ATPAF2: variants seen among roughly 807,000 people sequenced by gnomAD.
ATPAF2 encodes ATP synthase mitochondrial F1 complex assembly factor 2.
ATPAF2 carries 30 observed loss-of-function variants against 36.6 expected under a neutral mutation model. That is an observed-to-expected ratio of 0.82 (90% CI 0.61 to 1.11). The LOEUF (loss-of-function observed/expected upper bound fraction) is 1.11. Ranked by LOEUF, ATPAF2 falls within the 50% of genes most tolerant of loss-of-function variation. The probability of loss-of-function intolerance (pLI) is 0.00; values close to 1 mark genes in which losing one functional copy is unlikely to be tolerated. For synonymous variants in ATPAF2, 140 were observed against 152.6 expected, an observed-to-expected ratio of 0.92 and a Z score of 0.61; for missense variants, 321 against 372.3, an observed-to-expected ratio of 0.86 and a Z score of 1.13.
downstream of ATPAF2, among the ~76,000 whole-genome samples, chr17:18,017,108 G>A (rs2044388948): frequency 6.9e-6 from 1 of 144,786 alleles, no homozygotes; most frequent in East Asian, 2.0e-4. Context: ...GGAGGCGGAG[G>A]TTGCAGTGAG....
At position 18,025,365 on chromosome 17, in the gene ATPAF2, G is replaced by T. The variant is rs567909272; in HGVS notation, c.423-661C>A. 6.3e-5 allele frequency: 10 copies of T among 159,230 alleles called. No homozygotes were observed. The South Asian group carries it at 1.8e-3, about 29-fold the overall frequency. The allele number at this position is 159,230 out of a possible 1,614,324, so 9.9% of individuals were successfully genotyped here. A position where few individuals can be genotyped will look rare whatever the true frequency, so the allele number is the denominator to read the frequency against. On this transcript the variant is annotated intron_variant, in intron 4 of 7. Coordinates refer to ENST00000474627, the MANE Select transcript of ATPAF2 (RefSeq NM_145691.4). ...GACACAGACATGAGCCAGTTGAGAG[G>T]AGCTGAGCTGCAGGGCCTCATGGGA...
intron 4 of ATPAF2, chr17:18,026,117 G>A (rs761859204): frequency 9.7e-5 from 63 of 649,510 alleles, no homozygotes; most frequent in Non-Finnish European, 1.7e-4. Context: ...GAGAAGAGGG[G>A]TGGCCATGTT....
At chr17:18,016,124 C>G (rs748163277), downstream of ATPAF2, 21 of 1,613,836 alleles carry the variant, frequency 1.3e-5, no homozygotes, top group Non-Finnish European at 1.7e-5. Context: ...CATCCACCTC[C>G]TGAAGATTGA....
At chr17:18,026,468 A>G in intron 3 of ATPAF2, 52 bp from the exon 4 acceptor site, 3 of 1,430,996 alleles carry the variant, frequency 2.1e-6, no homozygotes, top group Non-Finnish European at 3.0e-6. Context: ...CTCAGGCAAA[A>G]GCCCTGCTTT....
At chr17:18,016,574 T>C (rs766832997), downstream of ATPAF2, 3 of 1,613,088 alleles carry the variant, frequency 1.9e-6, no homozygotes, top group Non-Finnish European at 2.5e-6. Context: ...AAGGATGAGA[T>C]CATGAGGAAC....
chr17:18,029,326 A>C (rs2044593813), intron 1 of ATPAF2, among the ~76,000 whole-genome samples: 1 of 152,262 alleles, frequency 6.6e-6, no homozygotes, highest in African/African-American at 2.4e-5. Context: ...GGAGGGATTA[A>C]CAACCAAGAG....
rs961665761 is a variant in ATPAF2 at position 18,026,363 on chromosome 17, C to T, written c.378G>A (p.Gln126=). The change falls in exon 4 of 8, where the codon CAG becomes CAA. Residue 126 remains glutamine (Q), a synonymous_variant. Transcript: ENST00000474627. ...GAAACTTCACGGCTGCCCGGATCAG[C>T]TGATCCTTGTTTCTCTGGGTTGGGT... ...LDNPTQRNKD[Q]LIRAAVKFLD... is the part of the protein sequence containing the mutation. The T allele has an allele frequency of 2.4e-5, 39 of 1,614,134 alleles. No homozygotes were observed. The highest frequency in any genetic ancestry group is 3.3e-5 in the Non-Finnish European group (39 of 1,180,058).
Position 18,021,784 on chromosome 17 carries a change from C to A in ATPAF2, c.577G>T (p.Val193Phe). ...SIPAKTREVL[V>F]SHLASYNTWA... ...GTGTTGTAAGATGCCAGGTGGCTGA[C>A]GAGCACCTCCCGAGTTTTGGCAGGG... The change falls in exon 6 of 8, where the codon GTC (valine) becomes TTC (phenylalanine). Residue 193 changes from valine to phenylalanine, a missense_variant. Physicochemically the swap from Val to Phe is conservative, Grantham distance 50. Transcript: ENST00000474627. 2 of 1,614,140 alleles carry A rather than the reference C, an allele frequency of 1.2e-6. No individual in the cohort carries two copies. The highest frequency in any genetic ancestry group is 1.7e-6 in the Non-Finnish European group (2 of 1,180,024).
chr17:18,033,196 C>G (rs908717834), intron 1 of ATPAF2, among the ~76,000 whole-genome samples: 3 of 151,846 alleles, frequency 2.0e-5, no homozygotes, highest in Non-Finnish European at 4.4e-5. Flanking sequence ...TGGTGAAACC[C>G]TGTCTCTACA....
In ATPAF2 at chr17:18,039,068, G is replaced by A; in HGVS notation, c.-55C>T. On this transcript the variant is annotated 5_prime_UTR_variant, in exon 1 of 8. Coordinates refer to ENST00000474627, the MANE Select transcript of ATPAF2 (RefSeq NM_145691.4). This position sits in a 1 kb window ranked among gnomAD's most constrained non-coding sequence, Gnocchi z 5.3. Reference sequence around the variant, plus strand: ...CGCGAAACCTGGAGCAGGAAACACAGAGCGATGGGATCCCCAAAGCCGCAC... The same window carrying A: ...CGCGAAACCTGGAGCAGGAAACACAAAGCGATGGGATCCCCAAAGCCGCAC... The A allele has an allele frequency of 6.4e-7, 1 of 1,552,810 alleles. No individual in the cohort carries two copies. The highest frequency in any genetic ancestry group is 8.7e-7 in the Non-Finnish European group (1 of 1,148,734).
intron 1 of ATPAF2, among the ~76,000 whole-genome samples, chr17:18,034,775 C>T (rs145892366): frequency 4.7e-4 from 72 of 152,178 alleles, no homozygotes; most frequent in Non-Finnish European, 7.4e-4. Flanking sequence ...AAAACTTGTA[C>T]ATGAATGTTC....
chr17:18,033,568 A>T (rs2044666614), intron 1 of ATPAF2, among the ~76,000 whole-genome samples: 1 of 151,994 alleles, frequency 6.6e-6, no homozygotes, highest in Non-Finnish European at 1.5e-5. Flanking sequence ...ATCATGCAGA[A>T]CTGGCCTTTC....
intron 1 of ATPAF2, among the ~76,000 whole-genome samples, chr17:18,038,159 G>GC (rs2044732361): frequency 6.6e-6 from 1 of 152,186 alleles, no homozygotes; most frequent in Admixed American, 6.5e-5. Context: ...AGACAACCGT[G>GC]CCTCCTGCCT....
chr17:18,024,747 ATTCC>A (rs762959011), intron 4 of ATPAF2, 43 bp from the exon 5 acceptor site: 1 of 1,533,138 alleles, frequency 6.5e-7, no homozygotes, highest in Non-Finnish European at 9.0e-7. Flanking sequence ...AAAAAGTACA[ATTCC>A]TTCATTCAGT....
chr17:18,017,218 A>C (rs2044394843), downstream of ATPAF2, among the ~76,000 whole-genome samples: 1 of 143,726 alleles, frequency 7.0e-6, no homozygotes, highest in African/African-American at 2.5e-5. Flanking sequence ...ATGTTCATGT[A>C]GGAACAAGAG....
downstream of ATPAF2, among the ~76,000 whole-genome samples, chr17:18,017,232 G>A (rs968630294): frequency 7.8e-6 from 1 of 128,012 alleles, no homozygotes; most frequent in Non-Finnish European, 1.6e-5. Context: ...ACAAGAGAAA[G>A]AGTTTGAGAT....
chr17:18,021,410 C>G, intron 6 of ATPAF2, 172 bp from the exon 7 acceptor site: 1 of 690,514 alleles, frequency 1.4e-6, no homozygotes, highest in Admixed American at 2.0e-5. Context: ...GGTGATCCTC[C>G]TCTGCTCTTA....
chr17:18,028,126 A>G, intron 3 of ATPAF2, 106 bp downstream of exon 3: 2 of 1,372,670 alleles, frequency 1.5e-6, no homozygotes, highest in Non-Finnish European at 2.1e-6. Flanking sequence ...GGGGCCAGAC[A>G]GGCAAAGGAC....
intron 1 of ATPAF2, among the ~76,000 whole-genome samples, chr17:18,029,855 G>A (rs1246849745): frequency 3.6e-5 from 5 of 137,016 alleles, no homozygotes; most frequent in South Asian, 5.2e-4. Flanking sequence ...CACCATGCCC[G>A]GCCAAATAGT....
Sources: allele counts gnomAD v4.1 joint callset (sites outside exome capture counted in the v4.1 genomes callset), GRCh38; gene constraint gnomAD v4.1.1; non-coding constraint Gnocchi (gnomAD v3.1); transcripts MANE v1.5; gene names NCBI Gene and HGNC (gene_info 2026-07-23, HGNC 2026-07-21).